PRKN: variants seen among roughly 807,000 people sequenced by gnomAD.
The protein encoded by PRKN is parkin RBR E3 ubiquitin protein ligase, also known as E3 ubiquitin-protein ligase parkin.
Under a neutral mutation model 59.5 loss-of-function variants are expected in PRKN, and 56 were observed. The observed-to-expected ratio is 0.94, with a 90% CI of 0.76 to 1.18. The LOEUF (loss-of-function observed/expected upper bound fraction) is 1.18. Among genes scored for constraint, PRKN ranks in the 50% most tolerant of loss-of-function variants. The pLI is 0.00. For synonymous variants in PRKN, 250 were observed against 222.1 expected (o/e 1.13, Z -1.12); for missense variants, 657 against 596.4 (o/e 1.10, Z -1.06).
At chr6:161,824,310 T>C (rs1193403045) in intron 6 of PRKN, among the ~76,000 whole-genome samples, 4 of 152,226 alleles carry the variant, frequency 2.6e-5, no homozygotes, top group South Asian at 2.1e-4. Flanking sequence ...AAGTGCAAGG[T>C]GCGATTCTCA....
At chr6:162,582,330 G>A (rs1780822764) in intron 1 of PRKN, among the ~76,000 whole-genome samples, 1 of 152,152 alleles carries the variant, frequency 6.6e-6, no homozygotes, top group African/African-American at 2.4e-5. Flanking sequence ...ACACTGGAAT[G>A]AGAATGTTTA....
chr6:162,447,759 A>C (rs1236254507), intron 1 of PRKN, among the ~76,000 whole-genome samples: 3 of 152,086 alleles, frequency 2.0e-5, no homozygotes, highest in Admixed American at 1.3e-4. Context: ...GCTGCTCCTC[A>C]AGCAGCCATT....
At chr6:161,941,712 C>CA (rs996118190) in intron 6 of PRKN, among the ~76,000 whole-genome samples, 1 of 152,178 alleles carries the variant, frequency 6.6e-6, no homozygotes, top group African/African-American at 2.4e-5. Context: ...GGGGCTCCAA[C>CA]AGCCCTGTCT....
intron 6 of PRKN, among the ~76,000 whole-genome samples, chr6:161,972,572 T>C (rs1017235991): frequency 1.3e-5 from 2 of 152,194 alleles, no homozygotes; most frequent in East Asian, 3.8e-4. Flanking sequence ...TTCACTGGGA[T>C]TAGAAATAAC....
chr6:162,247,568 T>C (rs1779252969), intron 3 of PRKN, among the ~76,000 whole-genome samples: 1 of 152,196 alleles, frequency 6.6e-6, no homozygotes, highest in Non-Finnish European at 1.5e-5. Flanking sequence ...AAAACCTATA[T>C]TTCCAATGCA....
intron 6 of PRKN, among the ~76,000 whole-genome samples, chr6:161,833,139 T>C (rs903981174): frequency 6.6e-6 from 1 of 152,128 alleles, no homozygotes; most frequent in African/African-American, 2.4e-5. Context: ...GAGCCCGCTC[T>C]AAGAGATGGT....
At chr6:162,185,056 G>A (rs554724263) in intron 4 of PRKN, among the ~76,000 whole-genome samples, 91 of 152,140 alleles carry the variant, frequency 6.0e-4, no homozygotes, top group South Asian at 2.3e-3. Context: ...AAGTGGCATC[G>A]TTATGAAACT....
intron 1 of PRKN, among the ~76,000 whole-genome samples, chr6:162,555,853 T>C (rs1431560456): frequency 6.6e-6 from 1 of 151,426 alleles, no homozygotes; most frequent in Non-Finnish European, 1.5e-5. Flanking sequence ...TAGCTGGGTG[T>C]GGTGGTGTAT....
At chr6:162,103,827 C>T (rs1383442804) in intron 4 of PRKN, among the ~76,000 whole-genome samples, 1 of 152,168 alleles carries the variant, frequency 6.6e-6, no homozygotes, top group Non-Finnish European at 1.5e-5. Context: ...CAGTAAAATG[C>T]CTCTGCCAGC....
chr6:161,497,329 G>C lies in PRKN; in HGVS notation c.1083+51525C>G, dbSNP rs536682526. On this transcript the variant is annotated intron_variant, in intron 9 of 11. Transcript: ENST00000366898. The surrounding 1 kb of genome is among the most constrained non-coding windows in gnomAD (Gnocchi z 4.6). ...AGGGTGTCCCCACTACAGGAAGAAA[G>C]AGAGACATCATCATTCAGCTCTCAC... Among the ~76,000 whole-genome samples the C allele has an allele frequency of 2.6e-5, 4 of 152,284 alleles. No individual in the cohort carries two copies. In the South Asian group the frequency reaches 6.2e-4, roughly 24 times the overall value.
chr6:161,941,291 G>C (rs143557830), intron 6 of PRKN, among the ~76,000 whole-genome samples: 1 of 152,310 alleles, frequency 6.6e-6, no homozygotes, highest in East Asian at 1.9e-4. Context: ...CACATCAGCA[G>C]AGGAACACAC....
At chr6:162,443,517 T>C (rs1790164252) in intron 1 of PRKN, 44 bp from the exon 2 acceptor site, 2 of 1,586,022 alleles carry the variant, frequency 1.3e-6, no homozygotes, top group Admixed American at 1.7e-5. Flanking sequence ...TGAGCATCAC[T>C]CGAAGCCCTT....
At chr6:162,254,186 A>G (rs1348895005) in intron 3 of PRKN, among the ~76,000 whole-genome samples, 1 of 152,108 alleles carries the variant, frequency 6.6e-6, no homozygotes, top group Non-Finnish European at 1.5e-5. Flanking sequence ...CGGGCTGGGC[A>G]TGGCGGCTCA....
intron 4 of PRKN, among the ~76,000 whole-genome samples, chr6:162,185,980 T>G (rs986620198): frequency 6.6e-6 from 1 of 152,052 alleles, no homozygotes. Context: ...ATTTTTTTTT[T>G]CAAAACATGT....
chr6:161,658,904 T>A (rs1429702655), intron 7 of PRKN, among the ~76,000 whole-genome samples: 1 of 152,236 alleles, frequency 6.6e-6, no homozygotes, highest in African/African-American at 2.4e-5. Context: ...GTTTTATTCA[T>A]TAATTCTGTC....
At chr6:162,499,367 G>T (rs1463937048) in intron 1 of PRKN, among the ~76,000 whole-genome samples, 1 of 151,960 alleles carries the variant, frequency 6.6e-6, no homozygotes, top group African/African-American at 2.4e-5. Flanking sequence ...CAGCATCCTG[G>T]GCTTTCCTTT....
intron 5 of PRKN, among the ~76,000 whole-genome samples, chr6:162,009,042 C>A (rs973068751): frequency 2.0e-5 from 3 of 151,708 alleles, no homozygotes; most frequent in Non-Finnish European, 4.4e-5. Flanking sequence ...ATCACGAGGT[C>A]AGGAGTTCAA....
chr6:161,671,712 A>G lies in PRKN; in HGVS notation c.872-102296T>C, dbSNP rs1042825972. 5.9e-5 allele frequency among the ~76,000 whole-genome samples: 9 copies of G among 152,210 alleles called. No individual in the cohort carries two copies. The East Asian group carries it at 7.7e-4, about 13-fold the overall frequency. ...GTATTAAAAGATTATCGTTTTGTAT[A>G]TCATTGTTTTTTCTTTCCAGAGCAT... On this transcript the variant is annotated intron_variant, in intron 7 of 11. Transcript: ENST00000366898.
chr6:162,489,536 CTTTGT>C (rs1453677615), intron 1 of PRKN, among the ~76,000 whole-genome samples: 1 of 152,162 alleles, frequency 6.6e-6, no homozygotes, highest in African/African-American at 2.4e-5. Context: ...ATGAATCAAT[CTTTGT>C]TTTGAGTCCC....
Sources: allele counts gnomAD v4.1 joint callset (sites outside exome capture counted in the v4.1 genomes callset), GRCh38; gene constraint gnomAD v4.1.1; non-coding constraint Gnocchi (gnomAD v3.1); transcripts MANE v1.5; gene names NCBI Gene and HGNC (gene_info 2026-07-23, HGNC 2026-07-21).